NIP7: variants seen among roughly 807,000 people sequenced by gnomAD.
NIP7 encodes nucleolar pre-rRNA processing protein NIP7, also known as 60S ribosome subunit biogenesis protein NIP7 homolog.
Under a neutral mutation model 20.1 loss-of-function variants are expected in NIP7, and 12 were observed. That is an observed-to-expected ratio of 0.60 (90% CI 0.38 to 0.97). The LOEUF is 0.97. NIP7 is among the 50% of genes least tolerant of loss of function. The pLI is 0.00. For missense variants in NIP7, 226 were observed against 226.6 expected, an observed-to-expected ratio of 1.00 and a Z score of 0.02; for synonymous variants, 103 against 87.2, an observed-to-expected ratio of 1.18 and a Z score of -1.01.
chr16:69,341,411 C>T lies in NIP7; in HGVS notation c.423+91C>T, dbSNP rs115012776. ...CTGAGTGCTTGAGAGAATAAATTCT[C>T]AGCACGTTTTGAATCCCAGAAAGAC... On this transcript the variant is annotated intron_variant, in intron 4 of 4. Transcript: ENST00000254940. The T allele has an allele frequency of 2.9e-4, 451 of 1,569,198 alleles. 2 individuals carry two copies. In the African/African-American group the frequency reaches 5.4e-3, roughly 19 times the overall value.
intron 3 of NIP7, chr16:69,340,970 C>T (rs1404648384): frequency 1.5e-5 from 7 of 469,556 alleles, no homozygotes; most frequent in Non-Finnish European, 2.6e-5. Context: ...GCCTTGGCCT[C>T]CCAAAGTGCT....
In NIP7 at chr16:69,340,180, C is replaced by T; in HGVS notation, c.144-14C>T. On this transcript the variant is annotated splice_polypyrimidine_tract_variant and intron_variant, in intron 2 of 4. Transcript: ENST00000254940. ...TCCTTCATCCGCAACCTTGCTCCCC[C>T]TTTACCCTTTTAGTGAGAAGATTAT... The T allele has an allele frequency of 6.2e-7, 1 of 1,613,484 alleles. No individual in the cohort carries two copies. The highest frequency in any genetic ancestry group is 8.5e-7 in the Non-Finnish European group (1 of 1,180,010).
intron 3 of NIP7, chr16:69,340,749 G>A (rs1295859197): frequency 4.9e-6 from 1 of 205,570 alleles, no homozygotes; most frequent in Non-Finnish European, 1.0e-5. Flanking sequence ...TCCTGACACA[G>A]TTTCACTCTG....
chr16:69,341,409 C>T, intron 4 of NIP7, 89 bp downstream of exon 4: 2 of 1,569,832 alleles, frequency 1.3e-6, no homozygotes, highest in Non-Finnish European at 1.7e-6. Context: ...AGAATAAATT[C>T]TCAGCACGTT....
In NIP7 at chr16:69,341,806, G is replaced by C; in HGVS notation, c.*154G>C. ...GTACTCTCTATCACTGACAAATGCAGGCTGGATTCTTATTATATACAGAGA... is the reference window on the plus strand; with the variant it reads ...GTACTCTCTATCACTGACAAATGCACGCTGGATTCTTATTATATACAGAGA... On this transcript the variant is annotated 3_prime_UTR_variant, in exon 5 of 5. Transcript: ENST00000254940. The C allele has an allele frequency of 5.9e-6, 5 of 844,940 alleles. No individual in the cohort carries two copies. The Admixed American group carries it at 1.4e-4, about 23-fold the overall frequency. The allele number at this position is 844,940 out of a possible 1,614,324, so 52.3% of individuals were successfully genotyped here.
chr16:69,341,544 G>C lies in NIP7; in HGVS notation c.435G>C (p.Val145=). ...SMADIPLGFG[V]AAKSTQDCRK... Reference sequence around the variant, plus strand: ...CTTTTGAATCCCAGGGTTTTGGGGTGGCAGCCAAATCTACACAAGACTGCA... The same window carrying C: ...CTTTTGAATCCCAGGGTTTTGGGGTCGCAGCCAAATCTACACAAGACTGCA... Residue 145 remains valine, a synonymous_variant, in exon 5 of 5, where the codon GTG becomes GTC. Coordinates refer to ENST00000254940, the MANE Select transcript of NIP7 (RefSeq NM_016101.5). The C allele has an allele frequency of 3.1e-6, 5 of 1,613,480 alleles. No individual in the cohort carries two copies. Among genetic ancestry groups the C allele is most frequent in the Non-Finnish European group, 4.2e-6 (5 of 1,179,772 alleles).
At chr16:69,341,479 T>C (rs377441956) in intron 4 of NIP7, 54 bp from the exon 5 acceptor site, 17 of 1,603,640 alleles carry the variant, frequency 1.1e-5, no homozygotes, top group African/African-American at 6.7e-5. Context: ...CAGCCCTCAA[T>C]ATGGGCATAT....
chr16:69,341,789 T>TATC lies in NIP7; in HGVS notation c.*139_*141dup. ...GGGACTTCTTATTTACTGTACTCTC[T>TATC]ATCACTGACAAATGCAGGCTGGATT... On this transcript the variant is annotated 3_prime_UTR_variant, in exon 5 of 5. Coordinates refer to ENST00000254940, the MANE Select transcript of NIP7 (RefSeq NM_016101.5). 1.0e-6 allele frequency: 1 copy of TATC among 989,418 alleles called. No individual in the cohort carries two copies. Among genetic ancestry groups the TATC allele is most frequent in the East Asian group, 2.5e-5 (1 of 40,300 alleles). The allele number at this position is 989,418 out of a possible 1,614,324, so 61.3% of individuals were successfully genotyped here.
In NIP7 at chr16:69,339,791, C is replaced by T. The variant is rs1465261592; in HGVS notation, c.-39C>T. On this transcript the variant is annotated 5_prime_UTR_variant, in exon 1 of 5. Transcript: ENST00000254940. ...GCGACCGACTTCCGTTTCCAGTTAC[C>T]AAGGCACGAGGATCCGGTGTTCCAA... 6.2e-7 allele frequency: 1 copy of T among 1,610,156 alleles called. No individual in the cohort carries two copies.
rs1272478700 is a variant in NIP7, at chr16:69,339,790, C to G, written c.-40C>G. On this transcript the variant is annotated 5_prime_UTR_variant, in exon 1 of 5. Coordinates refer to ENST00000254940, the MANE Select transcript of NIP7 (RefSeq NM_016101.5). ...AGCGACCGACTTCCGTTTCCAGTTA[C>G]CAAGGCACGAGGATCCGGTGTTCCA... 3 of 1,610,306 alleles carry G rather than the reference C, an allele frequency of 1.9e-6. No homozygotes were observed. The highest frequency in any genetic ancestry group is 2.2e-5 in the East Asian group (1 of 44,874).
At position 69,341,589 on chromosome 16, in the gene NIP7, G is replaced by T. The variant is rs1158286356; in HGVS notation, c.480G>T (p.Ala160=). The change falls in exon 5 of 5, where the codon GCG becomes GCT. Residue 160 remains alanine, a synonymous_variant. Transcript: ENST00000254940. Reference sequence around the variant, plus strand: ...ACTGCAGAAAAGTAGACCCCATGGCGATTGTGGTATTTCATCAAGCAGACA... The same window carrying T: ...ACTGCAGAAAAGTAGACCCCATGGCTATTGTGGTATTTCATCAAGCAGACA... ...TQDCRKVDPM[A]IVVFHQADIG... 7 of 1,614,034 alleles carry T rather than the reference G, an allele frequency of 4.3e-6. No homozygotes were observed. Among genetic ancestry groups the T allele is most frequent in the Non-Finnish European group, 5.9e-6 (7 of 1,180,026 alleles).
In NIP7 at chr16:69,342,367, G is replaced by A. The variant is rs2012582705; in HGVS notation, c.*715G>A. 1 of 152,168 alleles carries A rather than the reference G, an allele frequency of 6.6e-6. No individual in the cohort carries two copies. The highest frequency in any genetic ancestry group is 1.5e-5 in the Non-Finnish European group (1 of 68,038). The allele number at this position is 152,168 out of a possible 1,614,324, so 9.4% of individuals were successfully genotyped here. A position where few individuals can be genotyped will look rare whatever the true frequency, so the allele number is the denominator to read the frequency against. On this transcript the variant is annotated 3_prime_UTR_variant, in exon 5 of 5. Coordinates refer to ENST00000254940, the MANE Select transcript of NIP7 (RefSeq NM_016101.5). ...CCCAGCACTTTGGGAGGCCAAGGCGGACGGATCACTTGAGGTTAGGAGTTT... is the reference window on the plus strand; with the variant it reads ...CCCAGCACTTTGGGAGGCCAAGGCGAACGGATCACTTGAGGTTAGGAGTTT...
intron 4 of NIP7, 86 bp downstream of exon 4, chr16:69,341,406 A>C: frequency 1.3e-6 from 2 of 1,571,782 alleles, no homozygotes; most frequent in South Asian, 2.3e-5. Context: ...GAGAGAATAA[A>C]TTCTCAGCAC....
At position 69,342,370 on chromosome 16, in the gene NIP7, G is replaced by A. The variant is rs527664134; in HGVS notation, c.*718G>A. The stretch of plus-strand genomic sequence containing the variant: ...AGCACTTTGGGAGGCCAAGGCGGAC[G>A]GATCACTTGAGGTTAGGAGTTTGAG... On this transcript the variant is annotated 3_prime_UTR_variant, in exon 5 of 5. Coordinates refer to ENST00000254940, the MANE Select transcript of NIP7 (RefSeq NM_016101.5). 4.6e-5 allele frequency: 7 copies of A among 152,190 alleles called. No individual in the cohort carries two copies. The highest frequency in any genetic ancestry group is 1.4e-4 in the African/African-American group (6 of 41,524). The allele number at this position is 152,190 out of a possible 1,614,324, so 9.4% of individuals were successfully genotyped here. A position where few individuals can be genotyped will look rare whatever the true frequency, so the allele number is the denominator to read the frequency against.
intron 3 of NIP7, chr16:69,340,924 G>C (rs1202568691): frequency 8.6e-6 from 3 of 348,150 alleles, no homozygotes; most frequent in African/African-American, 2.2e-5. Context: ...TGTTGGCCAG[G>C]CTGGTCTCGA....
At position 69,339,772 on chromosome 16, in the gene NIP7, GACTTCCGTTT is replaced by G; in HGVS notation, c.-57_-48del. 1 of 1,598,016 alleles carries G rather than the reference GACTTCCGTTT, an allele frequency of 6.3e-7. No homozygotes were observed. On this transcript the variant is annotated 5_prime_UTR_variant, in exon 1 of 5. Transcript: ENST00000254940. ...GATTGCCGGGGAGCAGCGAGCGACC[GACTTCCGTTT>G]CCAGTTACCAAGGCACGAGGATCCG...
chr16:69,339,819 C>A lies in NIP7; in HGVS notation c.-11C>A, dbSNP rs371693489. 3.7e-6 allele frequency: 6 copies of A among 1,612,398 alleles called. No individual in the cohort carries two copies. In the African/African-American group the frequency reaches 8.0e-5, roughly 22 times the overall value. ...GGCACGAGGATCCGGTGTTCCAACC[C>A]AGGGGGAAAAATGCGGCCTTTGACT... On this transcript the variant is annotated 5_prime_UTR_variant, in exon 1 of 5. Transcript: ENST00000254940.
intron 3 of NIP7, 82 bp from the exon 4 acceptor site, chr16:69,341,098 T>C: frequency 1.7e-6 from 2 of 1,175,362 alleles, no homozygotes; most frequent in South Asian, 2.9e-5. Context: ...CAGAAAATTA[T>C]TCACAGATCC....
In NIP7 at chr16:69,340,184, A is replaced by G; in HGVS notation, c.144-10A>G. On this transcript the variant is annotated splice_polypyrimidine_tract_variant and intron_variant, in intron 2 of 4. Coordinates refer to ENST00000254940, the MANE Select transcript of NIP7 (RefSeq NM_016101.5). ...TCATCCGCAACCTTGCTCCCCCTTT[A>G]CCCTTTTAGTGAGAAGATTATGAAG... 6.2e-7 allele frequency: 1 copy of G among 1,613,158 alleles called. No homozygotes were observed. The highest frequency in any genetic ancestry group is 8.5e-7 in the Non-Finnish European group (1 of 1,179,926).
Sources: gnomAD v4.1 joint callset for allele counts on GRCh38, gnomAD v4.1.1 for gene constraint, MANE v1.5 for transcripts, NCBI Gene and HGNC (gene_info 2026-07-23, HGNC 2026-07-21) for gene names.